Variants in PIK3CA observed in about 807,000 individuals in gnomAD.
The protein encoded by PIK3CA is phosphatidylinositol 4,5-bisphosphate 3-kinase catalytic subunit alpha isoform.
In PIK3CA, 27 loss-of-function variants were observed where a neutral mutation model predicts 138.2. The observed-to-expected ratio is 0.20, with a 90% CI of 0.14 to 0.27. The LOEUF is 0.27. PIK3CA is among the 10% of genes least tolerant of loss of function. PIK3CA has a pLI of 1.00. For missense variants in PIK3CA, 544 were observed against 1,277.4 expected (o/e 0.43, Z 8.75); for synonymous variants, 358 against 413.2 (o/e 0.87, Z 1.62).
At chr3:179,155,858 C>G (rs1723127070) in intron 1 of PIK3CA, among the ~76,000 whole-genome samples, 1 of 152,150 alleles carries the variant, frequency 6.6e-6, no homozygotes, top group Non-Finnish European at 1.5e-5. Flanking sequence ...TACAGAGAGG[C>G]TGTGTGCTGT....
At chr3:179,153,922 T>G (rs550253508) in intron 1 of PIK3CA, among the ~76,000 whole-genome samples, 2 of 152,334 alleles carry the variant, frequency 1.3e-5, no homozygotes, top group African/African-American at 4.8e-5. Context: ...TTTCCATCAT[T>G]CAAAAAGATT....
intron 1 of PIK3CA, among the ~76,000 whole-genome samples, chr3:179,170,072 G>A (rs969498715): frequency 2.6e-4 from 23 of 88,280 alleles, no homozygotes; most frequent in African/African-American, 7.5e-4. Context: ...GCACACGCGC[G>A]CGCGCACACA....
At chr3:179,181,379 A>AT (rs776104828) in intron 1 of PIK3CA, among the ~76,000 whole-genome samples, 6 of 152,154 alleles carry the variant, frequency 3.9e-5, no homozygotes, top group Non-Finnish European at 8.8e-5. Flanking sequence ...GCAGTCATAA[A>AT]TACGGCACTG....
Position 179,224,155 on chromosome 3 carries a change from T to A in PIK3CA, c.2262T>A (p.Pro754=), listed in dbSNP as rs1239363712. 1 of 1,588,776 alleles carries A rather than the reference T, an allele frequency of 6.3e-7. No individual in the cohort carries two copies. Among genetic ancestry groups the A allele is most frequent in the Admixed American group, 1.7e-5 (1 of 59,740 alleles). ...ATGCTCTACAGGGCTTTCTGTCTCCTCTAAACCCTGCTCATCAACTAGGAA... is the reference window on the plus strand; with the variant it reads ...ATGCTCTACAGGGCTTTCTGTCTCCACTAAACCCTGCTCATCAACTAGGAA... ...FMDALQGFLS[P]LNPAHQLGNL... is the part of the protein sequence containing the mutation. Residue 754 remains proline, a synonymous_variant, in exon 15 of 21, where the codon CCT becomes CCA. Coordinates refer to ENST00000263967, the MANE Select transcript of PIK3CA (RefSeq NM_006218.4).
At chr3:179,150,944 A>G (rs1348412219) in intron 1 of PIK3CA, among the ~76,000 whole-genome samples, 4 of 152,164 alleles carry the variant, frequency 2.6e-5, no homozygotes, top group Non-Finnish European at 4.4e-5. Context: ...ACTTAATCCC[A>G]TTTGATCTCT....
At chr3:179,223,096 A>C (rs1576944749) in intron 14 of PIK3CA, among the ~76,000 whole-genome samples, 1 of 152,354 alleles carries the variant, frequency 6.6e-6, no homozygotes, top group East Asian at 1.9e-4. Flanking sequence ...TGTTGTAACA[A>C]TGAGTGATAA....
intron 20 of PIK3CA, among the ~76,000 whole-genome samples, chr3:179,232,879 A>T (rs1401278073): frequency 6.6e-6 from 1 of 151,896 alleles, no homozygotes; most frequent in Admixed American, 6.6e-5. Flanking sequence ...CTTTTTTAAG[A>T]CAGAGTCTTG....
chr3:179,200,171 T>G (rs1490989581), intron 3 of PIK3CA, among the ~76,000 whole-genome samples: 1 of 152,042 alleles, frequency 6.6e-6, no homozygotes, highest in African/African-American at 2.4e-5. Flanking sequence ...TTACTATTTT[T>G]TAGGATTCAG....
intron 3 of PIK3CA, among the ~76,000 whole-genome samples, chr3:179,200,167 T>A (rs1049201272): frequency 1.3e-5 from 2 of 152,018 alleles, no homozygotes; most frequent in Non-Finnish European, 2.9e-5. Flanking sequence ...AAATTTACTA[T>A]TTTTTAGGAT....
chr3:179,204,005 T>G (rs994474583), intron 5 of PIK3CA, among the ~76,000 whole-genome samples: 2 of 152,230 alleles, frequency 1.3e-5, no homozygotes, highest in Non-Finnish European at 2.9e-5. Flanking sequence ...AATTCTAATA[T>G]TCACAATTCT....
intron 1 of PIK3CA, among the ~76,000 whole-genome samples, chr3:179,174,284 C>T (rs894243629): frequency 1.2e-4 from 18 of 151,878 alleles, no homozygotes; most frequent in Non-Finnish European, 2.2e-4. Flanking sequence ...GCCTGGCCAA[C>T]ACAGCGAAAC....
Position 179,201,666 on chromosome 3 carries a change from C to T in PIK3CA, c.813+126C>T, listed in dbSNP as rs541060955. Reference sequence around the variant, plus strand: ...TCTCGCCCAGGCTGGAGTGCAGTGGCGCGATCTCGGCTCACTGCAGGCTCT... The same window carrying T: ...TCTCGCCCAGGCTGGAGTGCAGTGGTGCGATCTCGGCTCACTGCAGGCTCT... On this transcript the variant is annotated intron_variant, in intron 4 of 20. Coordinates refer to ENST00000263967, the MANE Select transcript of PIK3CA (RefSeq NM_006218.4). 388 of 619,796 alleles carry T rather than the reference C, an allele frequency of 6.3e-4. 2 individuals carry two copies. The African/African-American group carries it at 6.5e-3, about 10-fold the overall frequency. The allele number at this position is 619,796 out of a possible 1,614,324, so 38.4% of individuals were successfully genotyped here.
chr3:179,185,995 A>C (rs959195353), intron 1 of PIK3CA, among the ~76,000 whole-genome samples: 11 of 152,262 alleles, frequency 7.2e-5, no homozygotes, highest in Non-Finnish European at 1.5e-4. Context: ...TCCTCTGAGG[A>C]GGTGGGTAGG....
chr3:179,209,034 T>C (rs1176128785), intron 6 of PIK3CA, among the ~76,000 whole-genome samples: 1 of 147,892 alleles, frequency 6.8e-6, no homozygotes, highest in East Asian at 1.9e-4. Flanking sequence ...TAGTATATTA[T>C]ATAATATATA....
chr3:179,210,404 T>A (rs2108401072), intron 8 of PIK3CA, 27 bp from the exon 9 acceptor site: 1 of 1,608,194 alleles, frequency 6.2e-7, no homozygotes, highest in Non-Finnish European at 8.5e-7. Context: ...CTTATGTATA[T>A]ATAATAGCTT....
chr3:179,173,404 C>CAAAAAAAAAA (rs749831764), intron 1 of PIK3CA, among the ~76,000 whole-genome samples: 42 of 42,916 alleles, frequency 9.8e-4, no homozygotes, highest in African/African-American at 2.2e-3. Context: ...GCTAAAAATA[C>CAAAAAAAAAA]AAAAAAAAAA....
At chr3:179,189,140 G>A (rs977490440) in intron 1 of PIK3CA, among the ~76,000 whole-genome samples, 6 of 152,006 alleles carry the variant, frequency 3.9e-5, no homozygotes, top group East Asian at 1.9e-4. Context: ...CTCGAACCTC[G>A]TAAACAGAGG....
chr3:179,148,159 T>C (rs1353524866), upstream of PIK3CA: 1 of 148,634 alleles, frequency 6.7e-6, no homozygotes, highest in African/African-American at 2.5e-5. Flanking sequence ...CTTACCCTCT[T>C]CTGCCGGAGG....
chr3:179,155,048 T>C (rs1209115087), intron 1 of PIK3CA, among the ~76,000 whole-genome samples: 3 of 152,192 alleles, frequency 2.0e-5, no homozygotes, highest in Admixed American at 6.5e-5. Context: ...GAAATCAGTG[T>C]TGTGATGTGA....
Sources: gnomAD v4.1 joint callset for allele counts (sites outside exome capture counted in the v4.1 genomes callset) on GRCh38, gnomAD v4.1.1 for gene constraint, MANE v1.5 for transcripts, NCBI Gene and HGNC (gene_info 2026-07-23, HGNC 2026-07-21) for gene names.